The following ROR2 variants were observed in gnomAD, a reference collection of about 807,000 sequenced individuals.
ROR2 encodes ROR family WNT receptor 2, also known as tyrosine-protein kinase transmembrane receptor ROR2.
A neutral mutation model predicts 74.9 loss-of-function variants in ROR2; 33 were observed. The observed-to-expected ratio is 0.44, with a 90% CI of 0.33 to 0.59. The LOEUF is 0.59. Among genes scored for constraint, ROR2 ranks in the 20% least tolerant of loss-of-function variants. The pLI is 0.02. For missense variants in ROR2, 1,216 were observed against 1,313.8 expected, an observed-to-expected ratio of 0.93 and a Z score of 1.15; for synonymous variants, 586 against 558.7, an observed-to-expected ratio of 1.05 and a Z score of -0.69.
chr9:91,808,710 G>A (rs993050295), intron 1 of ROR2, among the ~76,000 whole-genome samples: 1 of 151,768 alleles, frequency 6.6e-6, no homozygotes. Flanking sequence ...TGTAATCCCA[G>A]CACTTTCGGA....
chr9:91,876,890 C>T (rs1023363482), intron 1 of ROR2, among the ~76,000 whole-genome samples: 2 of 151,962 alleles, frequency 1.3e-5, no homozygotes, highest in African/African-American at 4.8e-5. Flanking sequence ...TAAAAGGACA[C>T]GAAGAGCATC....
rs138383374 is a variant in ROR2, at chr9:91,877,218, A to G, written c.97+72649T>C. ...AGGACTCAGAAAACTTACCCTTTAA[A>G]TGCAGCTTCCTACATTTGTGTCTCC... On this transcript the variant is annotated intron_variant, in intron 1 of 8. Coordinates refer to ENST00000375708, the MANE Select transcript of ROR2 (RefSeq NM_004560.4). Among the ~76,000 whole-genome samples the G allele has an allele frequency of 1.6e-3, 247 of 152,316 alleles. 1 individual carries two copies. Among genetic ancestry groups the G allele is most frequent in the African/African-American group, 5.5e-3 (229 of 41,576 alleles).
intron 1 of ROR2, among the ~76,000 whole-genome samples, chr9:91,870,111 A>G (rs1273084473): frequency 1.3e-5 from 2 of 150,348 alleles, no homozygotes; most frequent in Non-Finnish European, 3.0e-5. Context: ...TATTGTTTAC[A>G]TATGATCTCT....
chr9:91,917,153 C>G (rs947972306), intron 1 of ROR2, among the ~76,000 whole-genome samples: 16 of 152,290 alleles, frequency 1.1e-4, no homozygotes, highest in Middle Eastern at 3.4e-3. Flanking sequence ...TGCTTCAGCT[C>G]AACCATTTTT....
chr9:91,938,322 A>T (rs554336300), intron 1 of ROR2, among the ~76,000 whole-genome samples: 2 of 152,186 alleles, frequency 1.3e-5, no homozygotes, highest in South Asian at 4.2e-4. Context: ...AGTTAGCCAG[A>T]TGTTGGTAGC....
At chr9:91,762,979 C>G (rs1279649317) in intron 2 of ROR2, among the ~76,000 whole-genome samples, 1 of 152,152 alleles carries the variant, frequency 6.6e-6, no homozygotes, top group Non-Finnish European at 1.5e-5. Context: ...TACTTATACA[C>G]CATGGAATAC....
chr9:91,899,707 T>C (rs1830623572), intron 1 of ROR2, among the ~76,000 whole-genome samples: 1 of 147,986 alleles, frequency 6.8e-6, no homozygotes, highest in South Asian at 2.1e-4. Flanking sequence ...CCTCAACCCT[T>C]AGACACACAC....
chr9:91,904,065 G>C (rs1367182553), intron 1 of ROR2, among the ~76,000 whole-genome samples: 2 of 150,786 alleles, frequency 1.3e-5, no homozygotes, highest in African/African-American at 4.9e-5. Flanking sequence ...GGGGGGGACA[G>C]AGTCTCGCTC....
At chr9:91,858,129 C>T (rs1342812595) in intron 1 of ROR2, among the ~76,000 whole-genome samples, 6 of 152,188 alleles carry the variant, frequency 3.9e-5, no homozygotes, top group Non-Finnish European at 7.3e-5. Context: ...ACAAAGACCA[C>T]GGTTCACCAG....
chr9:91,859,867 A>G (rs553637282), intron 1 of ROR2, among the ~76,000 whole-genome samples: 2 of 152,298 alleles, frequency 1.3e-5, no homozygotes, highest in South Asian at 2.1e-4. Flanking sequence ...TTCAGCCACA[A>G]TAAGTACATG....
chr9:91,747,884 CCTCTGCCAGAAAGCA>C (rs1825476983), intron 4 of ROR2, among the ~76,000 whole-genome samples: 1 of 152,070 alleles, frequency 6.6e-6, no homozygotes, highest in South Asian at 2.1e-4. Flanking sequence ...GTGGAAAAGC[CCTCTGCCAGAAAGCA>C]CAGTGGTGGT....
At chr9:91,943,825 T>A (rs140650286) in intron 1 of ROR2, among the ~76,000 whole-genome samples, 1 of 152,322 alleles carries the variant, frequency 6.6e-6, no homozygotes, top group East Asian at 1.9e-4. Flanking sequence ...TTTGAACTTG[T>A]AGAATGTTAG....
intron 1 of ROR2, among the ~76,000 whole-genome samples, chr9:91,794,706 T>C (rs1217045001): frequency 6.6e-6 from 1 of 152,126 alleles, no homozygotes; most frequent in Non-Finnish European, 1.5e-5. Context: ...CCTTAGGCAT[T>C]TCTTTTTCAA....
At chr9:91,832,367 CAAAAAAAAAAA>C (rs10677451) in intron 1 of ROR2, among the ~76,000 whole-genome samples, 16 of 38,330 alleles carry the variant, frequency 4.2e-4, no homozygotes, top group South Asian at 1.8e-3. Context: ...GTCACAATGG[CAAAAAAAAAAA>C]AAAAAAAAAA....
chr9:91,770,281 T>G (rs1052806293), intron 2 of ROR2, among the ~76,000 whole-genome samples: 2 of 152,214 alleles, frequency 1.3e-5, no homozygotes, highest in Non-Finnish European at 2.9e-5. Flanking sequence ...CTTTATGTTC[T>G]CAAGATGAAA....
chr9:91,825,887 G>T (rs1433060616), intron 1 of ROR2, among the ~76,000 whole-genome samples: 5 of 152,328 alleles, frequency 3.3e-5, no homozygotes, highest in South Asian at 4.1e-4. Context: ...GAGAAAGAAA[G>T]AGAAGGTCCT....
At chr9:91,777,126 A>G (rs746721061) in intron 1 of ROR2, among the ~76,000 whole-genome samples, 6 of 152,238 alleles carry the variant, frequency 3.9e-5, no homozygotes, top group Non-Finnish European at 7.3e-5. Flanking sequence ...TGAGAAACTA[A>G]GACACCACTT....
rs535839698 is a variant in ROR2, at chr9:91,741,138, A to G, written c.495-3620T>C. 1.6e-4 allele frequency among the ~76,000 whole-genome samples: 25 copies of G among 152,162 alleles called. No homozygotes were observed. In the South Asian group the frequency reaches 5.2e-3, roughly 32 times the overall value. On this transcript the variant is annotated intron_variant, in intron 4 of 8. Transcript: ENST00000375708. ...AACATGATGAAACTCCGTCTCTATT[A>G]AAATACAAACAATTAGCCGGGTGTG...
rs1490314733 is a variant in ROR2, at chr9:91,905,626, CAACACACATA to C, written c.97+44231_97+44240del. On this transcript the variant is annotated intron_variant, in intron 1 of 8. Transcript: ENST00000375708. The surrounding 1 kb of genome is among the most constrained non-coding windows in gnomAD (Gnocchi z 5.3). ...CACACAACACATATACAGATGCCCC[CAACACACATA>C]AACACACATAACACACACGTACACC... Among the ~76,000 whole-genome samples the C allele has an allele frequency of 6.6e-6, 1 of 151,790 alleles. No individual in the cohort carries two copies. Among genetic ancestry groups the C allele is most frequent in the African/African-American group, 2.4e-5 (1 of 41,298 alleles).
Sources: gnomAD v4.1 joint callset for allele counts (sites outside exome capture counted in the v4.1 genomes callset) on GRCh38, gnomAD v4.1.1 for gene constraint, Gnocchi (gnomAD v3.1) non-coding constraint, MANE v1.5 for transcripts, NCBI Gene and HGNC (gene_info 2026-07-23, HGNC 2026-07-21) for gene names.